Variants in DNM3 observed in about 807,000 individuals in gnomAD.
DNM3 encodes the protein dynamin 3.
DNM3 carries 47 observed loss-of-function variants against 101.6 expected under a neutral mutation model. That is an observed-to-expected ratio of 0.46 (90% CI 0.37 to 0.59). DNM3 has a LOEUF of 0.59. Among genes scored for constraint, DNM3 ranks in the 20% least tolerant of loss-of-function variants. The pLI, the probability that DNM3 is intolerant of heterozygous loss-of-function variation, is 0.00. For synonymous variants in DNM3, 385 were observed against 387.9 expected (o/e 0.99, Z 0.09); for missense variants, 849 against 1,085.7 (o/e 0.78, Z 3.06).
chr1:172,384,247 T>C (rs919585160), intron 18 of DNM3, among the ~76,000 whole-genome samples: 1 of 152,176 alleles, frequency 6.6e-6, no homozygotes, highest in African/African-American at 2.4e-5. Flanking sequence ...AATGTTAACC[T>C]CTATGCCCTA....
chr1:172,032,549 T>C, intron 5 of DNM3, 49 bp downstream of exon 5: 2 of 1,102,352 alleles, frequency 1.8e-6, no homozygotes, highest in Non-Finnish European at 2.5e-6. Context: ...TTTTTTTTTT[T>C]TTTTTTGTTA....
chr1:171,996,737 G>A (rs1286992919), intron 4 of DNM3, among the ~76,000 whole-genome samples: 1 of 151,980 alleles, frequency 6.6e-6, no homozygotes, highest in Non-Finnish European at 1.5e-5. Context: ...TTATTATAAA[G>A]ATAATAATTG....
rs1301019031 is a variant in DNM3, at chr1:171,997,104, T to G, written c.589+7956T>G. Among the ~76,000 whole-genome samples, 23 of 152,262 alleles carry G rather than the reference T, an allele frequency of 1.5e-4. 1 individual carries two copies. Among genetic ancestry groups the G allele is most frequent in the Non-Finnish European group, 1.5e-5 (1 of 67,994 alleles). On this transcript the variant is annotated intron_variant, in intron 4 of 20. Coordinates refer to ENST00000627582, the MANE Select transcript of DNM3 (RefSeq NM_015569.5). Reference sequence around the variant, plus strand: ...CAGTTATTTTCCTCTTGAAAATAATTAAAGGAAACTTTACCAGGCTTTGTT... The same window carrying G: ...CAGTTATTTTCCTCTTGAAAATAATGAAAGGAAACTTTACCAGGCTTTGTT...
intron 1 of DNM3, among the ~76,000 whole-genome samples, chr1:171,894,130 G>A (rs1424678369): frequency 6.6e-6 from 1 of 150,858 alleles, no homozygotes; most frequent in Non-Finnish European, 1.5e-5. Flanking sequence ...CCCAATTTTT[G>A]TATTTTTAAT....
intron 11 of DNM3, among the ~76,000 whole-genome samples, chr1:172,074,594 G>A (rs1315986194): frequency 1.3e-5 from 2 of 151,808 alleles, no homozygotes; most frequent in Admixed American, 6.6e-5. Flanking sequence ...GTGATATTTT[G>A]CTGAGAATGA....
chr1:172,324,551 G>C (rs1471895611), intron 17 of DNM3, among the ~76,000 whole-genome samples: 3 of 152,094 alleles, frequency 2.0e-5, no homozygotes, highest in Non-Finnish European at 4.4e-5. Flanking sequence ...GAGTAAAGAG[G>C]TGAACTCAGT....
In DNM3 at chr1:172,087,194, A is replaced by G. The variant is rs756290620; in HGVS notation, c.1493+5292A>G. ...AAGAGATCTGTTCCTTTGCTTCAAT[A>G]ACCTTCCACTCTCTCCTGGTTTTCC... On this transcript the variant is annotated intron_variant, in intron 12 of 20. Transcript: ENST00000627582. 2.5e-4 allele frequency among the ~76,000 whole-genome samples: 38 copies of G among 152,222 alleles called. No individual in the cohort carries two copies. In the Middle Eastern group the frequency reaches 0.017, roughly 68 times the overall value.
intron 1 of DNM3, among the ~76,000 whole-genome samples, chr1:171,908,819 G>A (rs2039045330): frequency 6.6e-6 from 1 of 152,020 alleles, no homozygotes. Flanking sequence ...TTTCTTAAAA[G>A]TAGGAGATAT....
chr1:172,163,741 C>T (rs1468317928), intron 14 of DNM3, among the ~76,000 whole-genome samples: 4 of 152,028 alleles, frequency 2.6e-5, no homozygotes, highest in South Asian at 2.1e-4. Context: ...CACTATTTGT[C>T]TTTCTGTGTC....
At chr1:171,889,003 C>CCT (rs951407017) in intron 1 of DNM3, among the ~76,000 whole-genome samples, 2 of 151,878 alleles carry the variant, frequency 1.3e-5, no homozygotes, top group African/African-American at 4.8e-5. Context: ...TGAGACAGGG[C>CCT]CTCTCTCTGT....
At chr1:171,923,882 T>C (rs1215394104) in intron 2 of DNM3, among the ~76,000 whole-genome samples, 2 of 152,180 alleles carry the variant, frequency 1.3e-5, no homozygotes, top group East Asian at 3.9e-4. Context: ...CCCATCTTTA[T>C]GTCCATGTTT....
intron 14 of DNM3, among the ~76,000 whole-genome samples, chr1:172,135,873 G>A (rs1308983570): frequency 2.0e-5 from 3 of 151,978 alleles, no homozygotes; most frequent in African/African-American, 7.2e-5. Flanking sequence ...TGAGAAATTT[G>A]TTTTAAAAAT....
chr1:172,273,478 G>C (rs2148756820), intron 15 of DNM3, among the ~76,000 whole-genome samples: 1 of 152,146 alleles, frequency 6.6e-6, no homozygotes, highest in African/African-American at 2.4e-5. Context: ...ACTTCTTGTT[G>C]TGTCTGTACA....
chr1:171,856,706 T>C (rs1041058345), intron 1 of DNM3, among the ~76,000 whole-genome samples: 3 of 152,180 alleles, frequency 2.0e-5, no homozygotes, highest in African/African-American at 7.2e-5. Flanking sequence ...ATGATAGTGA[T>C]TTTTGTACAC....
intron 2 of DNM3, among the ~76,000 whole-genome samples, chr1:171,957,788 C>A (rs543566396): frequency 6.6e-6 from 1 of 152,156 alleles, no homozygotes; most frequent in Non-Finnish European, 1.5e-5. Context: ...CCACCTCAGC[C>A]TGGATTTCAT....
intron 18 of DNM3, among the ~76,000 whole-genome samples, chr1:172,384,575 A>G (rs944920719): frequency 6.6e-6 from 1 of 152,238 alleles, no homozygotes; most frequent in Non-Finnish European, 1.5e-5. Flanking sequence ...AATCCACTGT[A>G]TTGCACAGTA....
At chr1:172,038,056 A>G (rs1009816323) in intron 6 of DNM3, among the ~76,000 whole-genome samples, 4 of 152,178 alleles carry the variant, frequency 2.6e-5, no homozygotes, top group Admixed American at 2.0e-4. Context: ...GCATTTTAAC[A>G]GGGTCTTCCT....
intron 14 of DNM3, among the ~76,000 whole-genome samples, chr1:172,185,710 C>G (rs1310257821): frequency 6.6e-6 from 1 of 152,076 alleles, no homozygotes; most frequent in Non-Finnish European, 1.5e-5. Context: ...AAATGTATTG[C>G]AAACACTGCT....
intron 14 of DNM3, among the ~76,000 whole-genome samples, chr1:172,134,311 C>A (rs1004985343): frequency 6.6e-6 from 1 of 152,074 alleles, no homozygotes; most frequent in Non-Finnish European, 1.5e-5. Flanking sequence ...AGCTGGCCTT[C>A]GTGAATTTAA....
Sources: allele counts gnomAD v4.1 joint callset (sites outside exome capture counted in the v4.1 genomes callset), GRCh38; gene constraint gnomAD v4.1.1; transcripts MANE v1.5; gene names NCBI Gene and HGNC (gene_info 2026-07-23, HGNC 2026-07-21).